The following ZC3H18 variants were observed in gnomAD, a reference collection of about 807,000 sequenced individuals.
ZC3H18 encodes the protein zinc finger CCCH domain-containing protein 18.
In ZC3H18, 8 loss-of-function variants were observed where a neutral mutation model predicts 106.1. That is an observed-to-expected ratio of 0.08 (90% CI 0.04 to 0.14). The LOEUF is 0.14. ZC3H18 is among the 10% of genes least tolerant of loss of function. ZC3H18 has a pLI of 1.00. For missense variants in ZC3H18, 1,318 were observed against 1,278.4 expected (o/e 1.03, Z -0.47); for synonymous variants, 635 against 522.1 (o/e 1.22, Z -2.95).
chr16:88,616,339 C>T (rs970291756), intron 8 of ZC3H18, among the ~76,000 whole-genome samples: 4 of 152,366 alleles, frequency 2.6e-5, no homozygotes, highest in East Asian at 1.9e-4. Context: ...GCGAGGCTCA[C>T]GTCCCTTTCT....
In ZC3H18 at chr16:88,595,474, CTTTTTTTT is replaced by C. The variant is rs11302563; in HGVS notation, c.689-2691_689-2684del. Among the ~76,000 whole-genome samples, 109 of 133,566 alleles carry C rather than the reference CTTTTTTTT, an allele frequency of 8.2e-4. 1 individual carries two copies. Among genetic ancestry groups the C allele is most frequent in the African/African-American group, 2.9e-3 (104 of 35,394 alleles). 87.6% of individuals were successfully genotyped at this position (133,566 alleles called of 152,430 possible). On this transcript the variant is annotated intron_variant, in intron 3 of 17. Transcript: ENST00000301011. ...TATTTTCTGGATAATTTCTTTCTTT[CTTTTTTTT>C]TTTTTTTTTTTTAACAAATTGCTTT...
At chr16:88,579,947 G>A (rs564686195) in intron 2 of ZC3H18, among the ~76,000 whole-genome samples, 2 of 152,120 alleles carry the variant, frequency 1.3e-5, no homozygotes, top group African/African-American at 2.4e-5. Context: ...TAACCAAGGT[G>A]GGCAGTGCTG....
intron 6 of ZC3H18, among the ~76,000 whole-genome samples, chr16:88,605,613 C>T (rs557445193): frequency 6.6e-6 from 1 of 152,356 alleles, no homozygotes; most frequent in African/African-American, 2.4e-5. Context: ...TGTGCAAATG[C>T]AAGTTGCATT....
intron 3 of ZC3H18, among the ~76,000 whole-genome samples, chr16:88,596,259 G>C (rs1904433371): frequency 6.6e-6 from 1 of 152,104 alleles, no homozygotes; most frequent in Admixed American, 6.6e-5. Context: ...TTTGATAGTA[G>C]GTTCGTAGGT....
At chr16:88,581,736 A>T (rs1446473292) in intron 2 of ZC3H18, among the ~76,000 whole-genome samples, 1 of 152,148 alleles carries the variant, frequency 6.6e-6, no homozygotes, top group Non-Finnish European at 1.5e-5. Flanking sequence ...GAGTGCGTGG[A>T]GCCCACCCTG....
At chr16:88,613,385 A>T (rs1905380865) in intron 8 of ZC3H18, among the ~76,000 whole-genome samples, 1 of 152,206 alleles carries the variant, frequency 6.6e-6, no homozygotes, top group Non-Finnish European at 1.5e-5. Context: ...GCTAGATCAC[A>T]TGGTCACTCT....
chr16:88,621,719 G>C (rs948386127), intron 8 of ZC3H18, among the ~76,000 whole-genome samples: 5 of 152,108 alleles, frequency 3.3e-5, no homozygotes, highest in African/African-American at 1.2e-4. Context: ...TGGAACTCCC[G>C]ACCTCAAGTA....
chr16:88,610,587 C>T (rs2142745117), intron 7 of ZC3H18, among the ~76,000 whole-genome samples: 1 of 152,322 alleles, frequency 6.6e-6, no homozygotes, highest in Non-Finnish European at 1.5e-5. Flanking sequence ...CCTGCATCTC[C>T]CCAACAGAGG....
rs754267025 is a variant in ZC3H18, at chr16:88,630,921, C to G, written c.2664-180C>G. Reference sequence around the variant, plus strand: ...CCCTCCCAGTCTGCTCCACAAAGCCCGGGAGCCAGTGGCTAGGACCAGGCC... The same window carrying G: ...CCCTCCCAGTCTGCTCCACAAAGCCGGGGAGCCAGTGGCTAGGACCAGGCC... On this transcript the variant is annotated intron_variant, in intron 17 of 17. Coordinates refer to ENST00000301011, the MANE Select transcript of ZC3H18 (RefSeq NM_144604.4). Among the ~76,000 whole-genome samples the G allele has an allele frequency of 2.6e-5, 4 of 152,224 alleles. No homozygotes were observed. The East Asian group carries it at 7.7e-4, about 29-fold the overall frequency.
Position 88,627,474 on chromosome 16 carries a change from A to T in ZC3H18, c.2109-148A>T. 9.0e-7 allele frequency: 1 copy of T among 1,116,388 alleles called. No homozygotes were observed. Among genetic ancestry groups the T allele is most frequent in the Non-Finnish European group, 1.3e-6 (1 of 795,426 alleles). 69.2% of individuals were successfully genotyped at this position (1,116,388 alleles called of 1,614,324 possible). A position where few individuals can be genotyped will look rare whatever the true frequency, so the allele number is the denominator to read the frequency against. ...GGACGTCCCTTACTTTGTAACCCTG[A>T]AACTGCCCAGTGTCCCCCCAAAATC... On this transcript the variant is annotated intron_variant, in intron 13 of 17. Transcript: ENST00000301011. This position sits in a 1 kb window ranked among gnomAD's most constrained non-coding sequence, Gnocchi z 4.5.
intron 3 of ZC3H18, among the ~76,000 whole-genome samples, chr16:88,588,968 T>G (rs1915593025): frequency 2.0e-5 from 3 of 152,084 alleles, no homozygotes; most frequent in Non-Finnish European, 4.4e-5. Context: ...TTCAGAAGTG[T>G]TTTTATTCTG....
Position 88,588,994 on chromosome 16 carries a change from C to T in ZC3H18, c.688+2310C>T, listed in dbSNP as rs117196533. On this transcript the variant is annotated intron_variant, in intron 3 of 17. Coordinates refer to ENST00000301011, the MANE Select transcript of ZC3H18 (RefSeq NM_144604.4). ...TTTTATTCTGTAGAGTGAGGTGATA[C>T]GGTACAGAGGAAGTGGCTGATTCTT... Among the ~76,000 whole-genome samples, 8 of 152,194 alleles carry T rather than the reference C, an allele frequency of 5.3e-5. No individual in the cohort carries two copies. The South Asian group carries it at 8.3e-4, about 16-fold the overall frequency.
rs746618509 is a variant in ZC3H18, at chr16:88,624,673, C to T, written c.1970C>T (p.Pro657Leu). ...GCCACCAAAACCACTGCTCCTGTCCCCGAGCCCACCAAGCCAGGAGACCCT... is the reference window on the plus strand; with the variant it reads ...GCCACCAAAACCACTGCTCCTGTCCTCGAGCCCACCAAGCCAGGAGACCCT... ...PQATKTTAPV[P>L]EPTKPGDPRE... is the part of the protein sequence containing the mutation. Residue 657 changes from proline (P) to leucine (L), a missense_variant, in exon 12 of 18, where the codon CCC becomes CTC. Physicochemically the swap from Pro to Leu is moderately conservative, Grantham distance 98. This residue lies in a region of ZC3H18 where 848 missense variants were observed against 821.7 expected (regional missense o/e 1.03). Coordinates refer to ENST00000301011, the MANE Select transcript of ZC3H18 (RefSeq NM_144604.4). 9.3e-6 allele frequency: 15 copies of T among 1,613,936 alleles called. No individual in the cohort carries two copies. The highest frequency in any genetic ancestry group is 3.3e-4 in the Middle Eastern group (2 of 6,038).
chr16:88,628,594 C>A, intron 15 of ZC3H18, 164 bp from the exon 16 acceptor site: 1 of 686,656 alleles, frequency 1.5e-6, no homozygotes. Flanking sequence ...TGCCCTTGGT[C>A]CGGGTCCTGG....
intron 3 of ZC3H18, among the ~76,000 whole-genome samples, chr16:88,588,837 T>C (rs1033208292): frequency 6.6e-6 from 1 of 151,798 alleles, no homozygotes. Flanking sequence ...AGTTGTGCCA[T>C]GATCGTGCCA....
At chr16:88,575,448 C>G (rs1381364720) in intron 1 of ZC3H18, among the ~76,000 whole-genome samples, 1 of 151,970 alleles carries the variant, frequency 6.6e-6, no homozygotes, top group Admixed American at 6.6e-5. Flanking sequence ...AGTCAAGTGA[C>G]CGCTGACCTG....
chr16:88,577,882 T>C (rs1386669917), intron 2 of ZC3H18, among the ~76,000 whole-genome samples, 156 bp downstream of exon 2: 1 of 152,122 alleles, frequency 6.6e-6, no homozygotes, highest in African/African-American at 2.4e-5. Context: ...TTCAGTCCCA[T>C]AGTGATTGGA....
At chr16:88,582,390 G>T (rs889432435) in intron 2 of ZC3H18, among the ~76,000 whole-genome samples, 2 of 151,768 alleles carry the variant, frequency 1.3e-5, no homozygotes, top group African/African-American at 4.8e-5. Context: ...ACGGCCAGCT[G>T]ATTTTTGTAT....
intron 3 of ZC3H18, among the ~76,000 whole-genome samples, chr16:88,588,887 G>GAA (rs927682760): frequency 1.4e-5 from 2 of 145,772 alleles, no homozygotes; most frequent in African/African-American, 5.0e-5. Flanking sequence ...TCAGTCTCTT[G>GAA]AAAAAAAAAA....
Sources: gnomAD v4.1 joint callset for allele counts (sites outside exome capture counted in the v4.1 genomes callset) on GRCh38, gnomAD v4.1.1 for gene constraint, gnomAD v4.1.1 regional missense constraint, Gnocchi (gnomAD v3.1) non-coding constraint, MANE v1.5 for transcripts, NCBI Gene and HGNC (gene_info 2026-07-23, HGNC 2026-07-21) for gene names.